PPID: variants seen among roughly 807,000 people sequenced by gnomAD.
PPID encodes the protein peptidyl-prolyl cis-trans isomerase D.
PPID carries 47 observed loss-of-function variants against 48.1 expected under a neutral mutation model. The observed-to-expected ratio is 0.98, with a 90% CI of 0.77 to 1.25. The LOEUF (loss-of-function observed/expected upper bound fraction) is 1.25, where lower values mean the gene tolerates loss of function less well. Among genes scored for constraint, PPID ranks in the 50% most tolerant of loss-of-function variants. The pLI is 0.00. For synonymous variants in PPID, 163 were observed against 148.8 expected (o/e 1.10, Z -0.69); for missense variants, 429 against 443.5 (o/e 0.97, Z 0.29).
chr4:158,719,089 T>C (rs1285374371), intron 3 of PPID, 91 bp downstream of exon 3: 1 of 792,428 alleles, frequency 1.3e-6, no homozygotes, highest in Non-Finnish European at 2.0e-6. Context: ...CTAAGCACAC[T>C]TGAAACATTT....
At chr4:158,710,037 T>G in intron 9 of PPID, 1 of 547,556 alleles carries the variant, frequency 1.8e-6, no homozygotes, top group Non-Finnish European at 3.2e-6. Flanking sequence ...ACATCAAGAT[T>G]TGCCTTCTGC....
At position 158,723,198 on chromosome 4, in the gene PPID, G is replaced by A; in HGVS notation, c.85+6C>T. 3 of 1,612,294 alleles carry A rather than the reference G, an allele frequency of 1.9e-6. No individual in the cohort carries two copies. Among genetic ancestry groups the A allele is most frequent in the Non-Finnish European group, 2.5e-6 (3 of 1,178,956 alleles). ...GGCTTTTCCGCGAGCGTCAGACTCC[G>A]CTCACCTCGCTCCCCTCCGATGTCC... On this transcript the variant is annotated splice_donor_region_variant and intron_variant, in intron 1 of 9. Coordinates refer to ENST00000307720, the MANE Select transcript of PPID (RefSeq NM_005038.3).
intron 8 of PPID, 28 bp from the exon 9 acceptor site, chr4:158,710,698 A>G (rs745638262): frequency 6.2e-7 from 1 of 1,612,106 alleles, no homozygotes; most frequent in Non-Finnish European, 8.5e-7. Context: ...CATTTAAGTT[A>G]GGTGTATGAT....
intron 3 of PPID, among the ~76,000 whole-genome samples, chr4:158,718,528 T>C (rs1774906636): frequency 6.6e-6 from 1 of 152,226 alleles, no homozygotes; most frequent in Non-Finnish European, 1.5e-5. Flanking sequence ...CATCAAGGCC[T>C]TTCATTTTTA....
intron 7 of PPID, 84 bp downstream of exon 7, chr4:158,713,035 A>G: frequency 7.2e-7 from 1 of 1,392,618 alleles, no homozygotes; most frequent in East Asian, 2.3e-5. Flanking sequence ...GCAATAAGAT[A>G]TATTAATGTA....
intron 5 of PPID, 69 bp downstream of exon 5, chr4:158,715,493 C>T (rs1028525762): frequency 3.8e-6 from 6 of 1,569,806 alleles, no homozygotes; most frequent in Admixed American, 1.7e-5. Context: ...AACAAAAGCT[C>T]AAACTTTTAG....
intron 9 of PPID, chr4:158,710,359 G>C (rs1428548276): frequency 3.7e-6 from 2 of 545,560 alleles, no homozygotes; most frequent in African/African-American, 3.8e-5. Flanking sequence ...ACAGTATTTA[G>C]ACATATAAAA....
intron 3 of PPID, among the ~76,000 whole-genome samples, chr4:158,717,906 C>CT (rs1396698876): frequency 2.0e-5 from 3 of 152,234 alleles, no homozygotes; most frequent in African/African-American, 7.2e-5. Context: ...AACCTTTTCA[C>CT]TTTATCTCCT....
chr4:158,722,327 G>A (rs1359167801), intron 1 of PPID, among the ~76,000 whole-genome samples: 1 of 152,196 alleles, frequency 6.6e-6, no homozygotes, highest in African/African-American at 2.4e-5. Flanking sequence ...TTGGGTGGGC[G>A]GACTTGCCAC....
chr4:158,714,283 T>C (rs1366930532), intron 6 of PPID, among the ~76,000 whole-genome samples: 1 of 152,212 alleles, frequency 6.6e-6, no homozygotes, highest in African/African-American at 2.4e-5. Context: ...ACTTTAACCA[T>C]GTGTGTGAAC....
At chr4:158,719,389 A>G in intron 2 of PPID, 103 bp from the exon 3 acceptor site, 1 of 729,414 alleles carries the variant, frequency 1.4e-6, no homozygotes, top group Non-Finnish European at 2.3e-6. Context: ...GCATGACTCT[A>G]GTCATGTCTC....
intron 6 of PPID, among the ~76,000 whole-genome samples, chr4:158,713,596 T>C (rs1333571240): frequency 6.6e-6 from 1 of 152,138 alleles, no homozygotes; most frequent in Non-Finnish European, 1.5e-5. Context: ...GGGAATTCAG[T>C]AGAGGAAAGA....
At chr4:158,717,618 G>A (rs918754468) in intron 3 of PPID, among the ~76,000 whole-genome samples, 5 of 151,998 alleles carry the variant, frequency 3.3e-5, no homozygotes, top group South Asian at 2.1e-4. Context: ...AGACCTGAAC[G>A]GTCTTCCAAA....
At chr4:158,718,806 C>T (rs1774910698) in intron 3 of PPID, among the ~76,000 whole-genome samples, 1 of 152,138 alleles carries the variant, frequency 6.6e-6, no homozygotes, top group Admixed American at 6.5e-5. Flanking sequence ...GTGCAAATCC[C>T]CTGACATCCT....
chr4:158,711,530 G>A (rs949388334), intron 7 of PPID, among the ~76,000 whole-genome samples: 3 of 151,934 alleles, frequency 2.0e-5, no homozygotes, highest in African/African-American at 7.3e-5. Flanking sequence ...CCCAACCTAG[G>A]TTCTTACCTA....
rs28579099 is a variant in PPID, at chr4:158,717,720, G to T, written c.334-520C>A. Among the ~76,000 whole-genome samples the T allele has an allele frequency of 2.3e-3, 352 of 152,298 alleles. 1 individual carries two copies. Among genetic ancestry groups the T allele is most frequent in the African/African-American group, 8.3e-3 (344 of 41,568 alleles). On this transcript the variant is annotated intron_variant, in intron 3 of 9. Transcript: ENST00000307720. Reference sequence around the variant, plus strand: ...ATACTGAATTTACCCAAGACATTCAGTTTGGTACTTTCCTAATCTCAAAAG... The same window carrying T: ...ATACTGAATTTACCCAAGACATTCATTTTGGTACTTTCCTAATCTCAAAAG...
intron 1 of PPID, among the ~76,000 whole-genome samples, chr4:158,722,422 T>C (rs1774977614): frequency 6.6e-6 from 1 of 152,254 alleles, no homozygotes; most frequent in Non-Finnish European, 1.5e-5. Flanking sequence ...ATTCCTCCTC[T>C]AGATAGCAGC....
intron 3 of PPID, among the ~76,000 whole-genome samples, chr4:158,718,006 C>A (rs762810681): frequency 6.6e-6 from 1 of 152,146 alleles, no homozygotes; most frequent in African/African-American, 2.4e-5. Context: ...CACCAAAATG[C>A]CTTTTACTCC....
intron 9 of PPID, 87 bp from the exon 10 acceptor site, chr4:158,709,911 C>A: frequency 9.0e-7 from 1 of 1,110,912 alleles, no homozygotes. Flanking sequence ...GTTAACTACC[C>A]CTTGAAAAAA....
Sources: gnomAD v4.1 joint callset for allele counts (sites outside exome capture counted in the v4.1 genomes callset) on GRCh38, gnomAD v4.1.1 for gene constraint, MANE v1.5 for transcripts, NCBI Gene and HGNC (gene_info 2026-07-23, HGNC 2026-07-21) for gene names.